Variants in PAH observed in about 807,000 individuals in gnomAD.
PAH encodes the protein phenylalanine hydroxylase.
A neutral mutation model predicts 62.0 loss-of-function variants in PAH; 64 were observed. The ratio of observed to expected loss-of-function variants is 1.03; its 90% CI spans 0.84 to 1.27. The LOEUF is 1.27. Ranked by LOEUF, PAH falls within the 50% of genes most tolerant of loss-of-function variation. The pLI is 0.00. For missense variants in PAH, 579 were observed against 542.8 expected (o/e 1.07, Z -0.66); for synonymous variants, 195 against 196.2 (o/e 0.99, Z 0.05).
chr12:102,872,330 G>A (rs1273399340), intron 4 of PAH, among the ~76,000 whole-genome samples: 1 of 152,018 alleles, frequency 6.6e-6, no homozygotes, highest in Non-Finnish European at 1.5e-5. Context: ...TATCTTTTCT[G>A]CACTATCTTT....
chr12:102,956,437 G>T (rs1196173626), intron 1 of PAH, among the ~76,000 whole-genome samples: 1 of 152,178 alleles, frequency 6.6e-6, no homozygotes, highest in Non-Finnish European at 1.5e-5. Context: ...GGCTGCAAGC[G>T]CCTCCCCCTC....
chr12:102,923,233 T>C (rs557162706), intron 1 of PAH, among the ~76,000 whole-genome samples: 4 of 152,328 alleles, frequency 2.6e-5, no homozygotes, highest in African/African-American at 9.6e-5. Context: ...TGATAATGCC[T>C]GCGTGAATGA....
At chr12:102,929,300 G>A (rs965416768) in intron 1 of PAH, among the ~76,000 whole-genome samples, 2 of 152,138 alleles carry the variant, frequency 1.3e-5, no homozygotes, top group African/African-American at 4.8e-5. Flanking sequence ...CTTAACAAGT[G>A]TCATGAAGGA....
rs62508639 is a variant in PAH, at chr12:102,844,329, G to T, written c.1065+7C>A. 1 of 1,588,078 alleles carries T rather than the reference G, an allele frequency of 6.3e-7. No homozygotes were observed. The highest frequency in any genetic ancestry group is 8.6e-7 in the Non-Finnish European group (1 of 1,156,252). On this transcript the variant is annotated splice_region_variant and intron_variant, in intron 10 of 12. Transcript: ENST00000553106. ...AAATCTATCCTTGGTTCCTGTGAAG[G>T]TCATACCTGTAATTCACCAAAGGAT...
chr12:102,929,292 T>G (rs1465801411), intron 1 of PAH, among the ~76,000 whole-genome samples: 1 of 152,206 alleles, frequency 6.6e-6, no homozygotes, highest in Non-Finnish European at 1.5e-5. Flanking sequence ...TTTGTAATCT[T>G]AACAAGTGTC....
intron 9 of PAH, among the ~76,000 whole-genome samples, chr12:102,845,913 T>C (rs1874819919): frequency 6.6e-6 from 1 of 152,226 alleles, no homozygotes; most frequent in South Asian, 2.1e-4. Context: ...AATATTGTTA[T>C]GGCAGATAAC....
At chr12:102,854,534 C>T (rs1247852319) in intron 6 of PAH, among the ~76,000 whole-genome samples, 2 of 152,336 alleles carry the variant, frequency 1.3e-5, no homozygotes, top group Middle Eastern at 3.4e-3. Flanking sequence ...TCACTGAATA[C>T]CTGCTGTATA....
rs544912144 is a variant in PAH at position 102,910,253 on chromosome 12, C to G, written c.168+2538G>C. The stretch of plus-strand genomic sequence containing the variant: ...AACACTGAGAAGATTGTAATTAATT[C>G]AGGGAAAGCTTGATAAAAGAGGTCT... On this transcript the variant is annotated intron_variant, in intron 2 of 12. Transcript: ENST00000553106. 2.6e-5 allele frequency among the ~76,000 whole-genome samples: 4 copies of G among 152,212 alleles called. No homozygotes were observed. The East Asian group carries it at 7.7e-4, about 29-fold the overall frequency.
chr12:102,947,643 T>C (rs1364639194), intron 1 of PAH, among the ~76,000 whole-genome samples: 1 of 152,116 alleles, frequency 6.6e-6, no homozygotes, highest in East Asian at 1.9e-4. Context: ...CAAGAAGAGA[T>C]GAGTGATCAG....
intron 1 of PAH, among the ~76,000 whole-genome samples, chr12:102,941,940 A>T (rs1302607412): frequency 6.6e-6 from 1 of 152,198 alleles, no homozygotes; most frequent in Non-Finnish European, 1.5e-5. Flanking sequence ...CAAAATAATA[A>T]GAGCCATCTA....
Position 102,866,539 on chromosome 12 carries a change from G to A in PAH, c.509+57C>T, listed in dbSNP as rs1363250636. On this transcript the variant is annotated intron_variant, in intron 5 of 12. Coordinates refer to ENST00000553106, the MANE Select transcript of PAH (RefSeq NM_000277.3). ...TCCTCAACTGGATGAGGGCAAGGGA[G>A]AAGCAGGCTAGGGGTGTGTTTTTCT... The A allele has an allele frequency of 2.3e-5, 31 of 1,348,676 alleles. No individual in the cohort carries two copies. The East Asian group carries it at 7.1e-4, about 31-fold the overall frequency. 83.5% of individuals were successfully genotyped at this position (1,348,676 alleles called of 1,614,324 possible).
intron 5 of PAH, among the ~76,000 whole-genome samples, chr12:102,861,663 G>T (rs562536195): frequency 6.6e-5 from 10 of 152,182 alleles, no homozygotes; most frequent in African/African-American, 2.2e-4. Context: ...AAAAAAGGAT[G>T]AGTTCATGTC....
At chr12:102,840,539 A>G in intron 11 of PAH, 24 bp from the exon 12 acceptor site, 1 of 1,470,400 alleles carries the variant, frequency 6.8e-7, no homozygotes. Flanking sequence ...CACAGGCTTG[A>G]GTGAAGGGCA....
intron 1 of PAH, 111 bp from the exon 2 acceptor site, chr12:102,913,009 G>A (rs1442835994): frequency 2.7e-6 from 2 of 732,628 alleles, no homozygotes; most frequent in South Asian, 1.4e-5. Flanking sequence ...GTTAAATCTT[G>A]CAATACAATG....
chr12:102,902,638 G>A (rs946806351), intron 2 of PAH, among the ~76,000 whole-genome samples: 1 of 152,144 alleles, frequency 6.6e-6, no homozygotes, highest in Non-Finnish European at 1.5e-5. Context: ...TAAACCCACT[G>A]GCATTTACAG....
chr12:102,840,657 C>CG (rs2136632374), intron 11 of PAH, 142 bp from the exon 12 acceptor site: 3 of 698,128 alleles, frequency 4.3e-6, no homozygotes, highest in Admixed American at 2.1e-5. Context: ...AGGGCTGAGG[C>CG]GGGGGGAATG....
At chr12:102,914,101 C>G (rs1878299284) in intron 1 of PAH, among the ~76,000 whole-genome samples, 1 of 152,132 alleles carries the variant, frequency 6.6e-6, no homozygotes, top group African/African-American at 2.4e-5. Context: ...GCAAAAAATT[C>G]TTTCAATTCA....
At chr12:102,955,202 G>A (rs34498601), upstream of PAH, among the ~76,000 whole-genome samples, 6 of 152,214 alleles carry the variant, frequency 3.9e-5, no homozygotes, top group African/African-American at 1.4e-4. Context: ...GTGTAGGGGG[G>A]AGGAGGAGAG....
chr12:102,872,279 GCTTT>G (rs1876378411), intron 4 of PAH, among the ~76,000 whole-genome samples: 1 of 152,008 alleles, frequency 6.6e-6, no homozygotes, highest in Non-Finnish European at 1.5e-5. Flanking sequence ...CCTTATTCTG[GCTTT>G]CTATTTTCCG....
Sources: gnomAD v4.1 joint callset for allele counts (sites outside exome capture counted in the v4.1 genomes callset) on GRCh38, gnomAD v4.1.1 for gene constraint, MANE v1.5 for transcripts, NCBI Gene and HGNC (gene_info 2026-07-23, HGNC 2026-07-21) for gene names.